ZBTB16: variants seen among roughly 807,000 people sequenced by gnomAD.
ZBTB16 encodes zinc finger and BTB domain containing 16, also known as zinc finger and BTB domain-containing protein 16.
Under a neutral mutation model 56.8 loss-of-function variants are expected in ZBTB16, and 8 were observed. The observed-to-expected ratio is 0.14, with a 90% CI of 0.08 to 0.25. The LOEUF (loss-of-function observed/expected upper bound fraction) is 0.25, where lower values mean the gene tolerates loss of function less well. Ranked by LOEUF, ZBTB16 falls within the 10% of genes least tolerant of loss-of-function variation. The pLI, the probability that ZBTB16 is intolerant of heterozygous loss-of-function variation, is 1.00. For synonymous variants in ZBTB16, 363 were observed against 368.5 expected (o/e 0.98, Z 0.17); for missense variants, 625 against 903.0 (o/e 0.69, Z 3.95).
In ZBTB16 at chr11:114,242,343, T is replaced by C; in HGVS notation, c.1624+6T>C. On this transcript the variant is annotated splice_donor_region_variant and intron_variant, in intron 5 of 6. Coordinates refer to ENST00000335953, the MANE Select transcript of ZBTB16 (RefSeq NM_006006.6). Reference sequence around the variant, plus strand: ...CCACCTGCGCTCACATACAGGTAGGTCAGTCCAGCTGATGGGTGGATCTGG... The same window carrying C: ...CCACCTGCGCTCACATACAGGTAGGCCAGTCCAGCTGATGGGTGGATCTGG... 6.2e-7 allele frequency: 1 copy of C among 1,612,964 alleles called. No homozygotes were observed. Among genetic ancestry groups the C allele is most frequent in the Admixed American group, 1.7e-5 (1 of 60,014 alleles).
At chr11:114,118,857 C>T (rs1015306838) in intron 2 of ZBTB16, among the ~76,000 whole-genome samples, 3 of 152,184 alleles carry the variant, frequency 2.0e-5, no homozygotes, top group African/African-American at 7.2e-5. Flanking sequence ...ATGGTTTTCC[C>T]TGTCTGAAAG....
chr11:114,178,241 C>T (rs930543456), intron 3 of ZBTB16, among the ~76,000 whole-genome samples: 1 of 152,176 alleles, frequency 6.6e-6, no homozygotes, highest in Non-Finnish European at 1.5e-5. Flanking sequence ...CTCCTGATGA[C>T]AATGATGATG....
intron 2 of ZBTB16, among the ~76,000 whole-genome samples, chr11:114,141,908 A>G (rs1198946910): frequency 7.2e-5 from 11 of 152,238 alleles, no homozygotes; most frequent in East Asian, 1.9e-4. Flanking sequence ...AAGTGCTCAC[A>G]TATGTCTTGT....
rs558695299 is a variant in ZBTB16 at position 114,242,536 on chromosome 11, A to G, written c.1624+199A>G. 2.6e-4 allele frequency among the ~76,000 whole-genome samples: 39 copies of G among 152,312 alleles called. No individual in the cohort carries two copies. In the East Asian group the frequency reaches 5.8e-3, roughly 23 times the overall value. On this transcript the variant is annotated intron_variant, in intron 5 of 6. Transcript: ENST00000335953. ...TCCCCTCCTGTGGACCGTCGGTTCA[A>G]AGTCTTTCCGTGTTCAACACAGGAT... is the stretch of plus-strand genomic sequence containing the variant.
intron 4 of ZBTB16, among the ~76,000 whole-genome samples, chr11:114,233,091 A>T (rs1246016165): frequency 9.2e-4 from 26 of 28,340 alleles, no homozygotes; most frequent in Non-Finnish European, 2.4e-3. Flanking sequence ...GCACACACAC[A>T]CACACACACA....
At position 114,064,108 on chromosome 11, in the gene ZBTB16, G is replaced by C; in HGVS notation, c.808G>C (p.Asp270His). Reference sequence around the variant, plus strand: ...GTCCAGCATCTCAGGAGGGATGGGGGACAAGGTTGAGGAAAGAGGCAAAGA... The same window carrying C: ...GTCCAGCATCTCAGGAGGGATGGGGCACAAGGTTGAGGAAAGAGGCAAAGA... The part of the protein sequence containing the change: ...AESSISGGMG[D>H]KVEERGKEGP... The change falls in exon 2 of 7, where the codon GAC (aspartate) becomes CAC (histidine). Residue 270 changes from aspartate to histidine, a missense_variant. Coordinates refer to ENST00000335953, the MANE Select transcript of ZBTB16 (RefSeq NM_006006.6). The surrounding 1 kb of genome is among the most constrained non-coding windows in gnomAD (Gnocchi z 4.2). 1 of 1,613,940 alleles carries C rather than the reference G, an allele frequency of 6.2e-7. No homozygotes were observed. The highest frequency in any genetic ancestry group is 8.5e-7 in the Non-Finnish European group (1 of 1,180,018).
At chr11:114,154,959 G>T (rs552693073) in intron 2 of ZBTB16, among the ~76,000 whole-genome samples, 2 of 152,320 alleles carry the variant, frequency 1.3e-5, no homozygotes, top group South Asian at 4.1e-4. Context: ...CCACCACATG[G>T]TCTTGACACA....
intron 2 of ZBTB16, among the ~76,000 whole-genome samples, chr11:114,154,502 G>A (rs1252182194): frequency 6.6e-6 from 1 of 152,144 alleles, no homozygotes. Context: ...CTCCACCATC[G>A]TGTGTGTTTG....
intron 4 of ZBTB16, among the ~76,000 whole-genome samples, chr11:114,223,023 T>C (rs558663695): frequency 2.2e-4 from 34 of 152,294 alleles, no homozygotes; most frequent in Middle Eastern, 6.8e-3. Flanking sequence ...AGGAGACATC[T>C]ACATGTTCCA....
At chr11:114,075,082 T>C (rs2846625) in intron 2 of ZBTB16, among the ~76,000 whole-genome samples, 109,650 of 151,984 alleles carry the variant, frequency 0.72, 41,047 homozygotes, top group Non-Finnish European at 0.83. Context: ...TTGCTGGGAG[T>C]GGGTGGATTT....
intron 2 of ZBTB16, among the ~76,000 whole-genome samples, chr11:114,073,333 GA>G (rs995241833): frequency 2.6e-5 from 4 of 152,090 alleles, no homozygotes; most frequent in African/African-American, 9.7e-5. Context: ...TTGAAAAACA[GA>G]AAAAGAGAGA....
intron 2 of ZBTB16, among the ~76,000 whole-genome samples, chr11:114,092,690 G>A (rs1565620891): frequency 6.6e-6 from 1 of 152,082 alleles, no homozygotes; most frequent in African/African-American, 2.4e-5. Context: ...GGGCTGGGAG[G>A]TGCTAGCCCA....
At chr11:114,162,236 GGAA>G in intron 3 of ZBTB16, among the ~76,000 whole-genome samples, 1 of 152,190 alleles carries the variant, frequency 6.6e-6, no homozygotes, top group Admixed American at 6.5e-5. Context: ...GCGGTTGGAC[GGAA>G]GAAGAAAAGC....
chr11:114,082,059 A>G (rs988532219), intron 2 of ZBTB16, among the ~76,000 whole-genome samples: 23 of 144,872 alleles, frequency 1.6e-4, no homozygotes, highest in Admixed American at 2.8e-4. Context: ...AGGCAGGAGG[A>G]TTGCGTGAGG....
At chr11:114,142,681 A>C (rs990678869) in intron 2 of ZBTB16, among the ~76,000 whole-genome samples, 23 of 152,280 alleles carry the variant, frequency 1.5e-4, no homozygotes, top group African/African-American at 5.5e-4. Context: ...AAAGTAATCA[A>C]ATGTCCAAAA....
chr11:114,096,149 A>C (rs560606763), intron 2 of ZBTB16, among the ~76,000 whole-genome samples: 6 of 152,348 alleles, frequency 3.9e-5, no homozygotes, highest in African/African-American at 1.4e-4. Flanking sequence ...GGGGTATTTT[A>C]ATATCAAATC....
chr11:114,148,863 G>GGTGTGTGTGTGTGTGTGTGTGTGT (rs35071911), intron 2 of ZBTB16, among the ~76,000 whole-genome samples: 15 of 143,954 alleles, frequency 1.0e-4, no homozygotes, highest in African/African-American at 3.9e-4. Context: ...GTTTTTTACT[G>GGTGTGTGTGTGTGTGTGTGTGTGT]GTGTGTGTGT....
chr11:114,123,867 C>T (rs1040910677), intron 2 of ZBTB16, among the ~76,000 whole-genome samples: 17 of 152,100 alleles, frequency 1.1e-4, no homozygotes, highest in African/African-American at 3.6e-4. Context: ...AATGGATATA[C>T]GGGCGCCAGG....
intron 2 of ZBTB16, among the ~76,000 whole-genome samples, chr11:114,117,269 G>A (rs1043287394): frequency 6.6e-6 from 1 of 152,132 alleles, no homozygotes; most frequent in Non-Finnish European, 1.5e-5. Flanking sequence ...AGTCTTGCTT[G>A]TGCAGCAGAG....
Sources: allele counts gnomAD v4.1 joint callset (sites outside exome capture counted in the v4.1 genomes callset), GRCh38; gene constraint gnomAD v4.1.1; non-coding constraint Gnocchi (gnomAD v3.1); transcripts MANE v1.5; gene names NCBI Gene and HGNC (gene_info 2026-07-23, HGNC 2026-07-21).